Variants in ANKRD36C observed in about 807,000 individuals in gnomAD.
ANKRD36C encodes ankyrin repeat domain 36C, also known as ankyrin repeat domain-containing protein 36C.
Under a neutral mutation model 276.4 loss-of-function variants are expected in ANKRD36C, and 61 were observed. The ratio of observed to expected loss-of-function variants is 0.22; its 90% confidence interval spans 0.18 to 0.27. The LOEUF (loss-of-function observed/expected upper bound fraction) is 0.27, where lower values mean the gene tolerates loss of function less well. Ranked by LOEUF, ANKRD36C falls within the 10% of genes least tolerant of loss-of-function variation. The pLI is 1.00. For synonymous variants in ANKRD36C, 483 were observed against 680.1 expected (o/e 0.71, Z 4.51); for missense variants, 1,447 against 2,032.3 (o/e 0.71, Z 5.54).
At chr2:95,935,018 G>A (rs1479174988) in intron 24 of ANKRD36C, among the ~76,000 whole-genome samples, 1 of 152,280 alleles carries the variant, frequency 6.6e-6, no homozygotes, top group South Asian at 2.1e-4. Flanking sequence ...CATGTGATTG[G>A]GTGAAGACTC....
chr2:95,912,469 C>G (rs184728251), intron 40 of ANKRD36C, 34 bp from the exon 43 acceptor site: 108 of 1,602,252 alleles, frequency 6.7e-5, no homozygotes, highest in Admixed American at 3.4e-4. Context: ...ATCACTCACA[C>G]GTAAATATGA....
At chr2:95,927,624 A>G (rs1336080264) in intron 26 of ANKRD36C, among the ~76,000 whole-genome samples, 2 of 151,618 alleles carry the variant, frequency 1.3e-5, no homozygotes, top group Non-Finnish European at 3.0e-5. Flanking sequence ...AATTTCAAAC[A>G]TGGTATGATT....
intron 6 of ANKRD36C, among the ~76,000 whole-genome samples, chr2:95,964,013 A>ATATG (rs1290578450): frequency 1.2e-3 from 25 of 20,238 alleles, no homozygotes; most frequent in South Asian, 6.7e-3. Flanking sequence ...ATATATATAT[A>ATATG]TGTGTGTGTG....
At chr2:95,891,477 C>T (rs1161156173) in intron 46 of ANKRD36C, among the ~76,000 whole-genome samples, 188 bp downstream of exon 66, 1 of 151,466 alleles carries the variant, frequency 6.6e-6, no homozygotes. Context: ...AGTGTATACT[C>T]TTACTGCGAA....
At position 95,891,738 on chromosome 2, in the gene ANKRD36C, C is replaced by T; in HGVS notation, c.2785-1G>A. 1 of 1,581,106 alleles carries T rather than the reference C, an allele frequency of 6.3e-7. No homozygotes were observed. Among genetic ancestry groups the T allele is most frequent in the Non-Finnish European group, 8.6e-7 (1 of 1,161,746 alleles). On this transcript the variant is annotated splice_acceptor_variant, in intron 45 of 66. Transcript: ENST00000456556. LOFTEE classifies it high-confidence loss of function. ...CAGAATCTTTCTCGTCACTTGTAGC[C>T]TGAATGGAATTTGAAATGAAATAAT... is the stretch of plus-strand genomic sequence containing the variant.
chr2:95,964,036 C>A (rs1678535916), intron 6 of ANKRD36C, among the ~76,000 whole-genome samples: 1 of 107,900 alleles, frequency 9.3e-6, no homozygotes, highest in Admixed American at 1.0e-4. Context: ...TCATGATTGC[C>A]AAGAATATTG....
Position 95,964,831 on chromosome 2 carries a change from C to A in ANKRD36C, c.800-2284G>T, listed in dbSNP as rs564896573. Among the ~76,000 whole-genome samples, 6 of 152,132 alleles carry A rather than the reference C, an allele frequency of 3.9e-5. No individual in the cohort carries two copies. In the South Asian group the frequency reaches 8.3e-4, roughly 21 times the overall value. The stretch of plus-strand genomic sequence containing the variant: ...AATTAGAATCTTCCAGGATATGAAC[C>A]CTTTCATGTACACAAGACTTTGTGG... On this transcript the variant is annotated intron_variant, in intron 6 of 66. Transcript: ENST00000456556.
chr2:95,946,156 G>GAAAAAAAAAAAAAAAAAAAAAAAAAAAA (rs56964568), intron 17 of ANKRD36C, among the ~76,000 whole-genome samples: 1 of 73,300 alleles, frequency 1.4e-5, no homozygotes, highest in African/African-American at 5.1e-5. Context: ...ACAGAGAGAG[G>GAAAAAAAAAAAAAAAAAAAAAAAAAAAA]AAAAAAAAAA....
intron 60 of ANKRD36C, among the ~76,000 whole-genome samples, chr2:95,862,937 T>G (rs1675616249): frequency 6.6e-6 from 1 of 151,722 alleles, no homozygotes; most frequent in East Asian, 1.9e-4. Context: ...AGCATCTGGA[T>G]CTTGGACTTT....
intron 36 of ANKRD36C, 141 bp from the exon 39 acceptor site, chr2:95,916,312 A>T: frequency 6.9e-7 from 1 of 1,442,428 alleles, no homozygotes; most frequent in South Asian, 1.2e-5. Context: ...GTGTCTGGGG[A>T]CTAGAACATG....
chr2:95,855,548 A>C (rs1306208735), exon 63 of ANKRD36C: 1 of 1,611,016 alleles, frequency 6.2e-7, no homozygotes, highest in East Asian at 2.2e-5. Flanking sequence ...TTTCCATTGT[A>C]TTGTATCCAC....
intron 60 of ANKRD36C, among the ~76,000 whole-genome samples, chr2:95,862,142 A>C (rs1442983781): frequency 6.6e-6 from 1 of 152,150 alleles, no homozygotes; most frequent in Non-Finnish European, 1.5e-5. Context: ...ATTTCTAGGT[A>C]ATCTGAGGTT....
At position 95,916,178 on chromosome 2, in the gene ANKRD36C, A is replaced by G; in HGVS notation, c.2348-7T>C. Reference sequence around the variant, plus strand: ...GGTTTTTTCCGAGAAGACACTGAAAAGCAAAAGGGACACGTAATCACTCAC... The same window carrying G: ...GGTTTTTTCCGAGAAGACACTGAAAGGCAAAAGGGACACGTAATCACTCAC... On this transcript the variant is annotated splice_polypyrimidine_tract_variant and splice_region_variant and intron_variant, in intron 36 of 66. Coordinates refer to ENST00000456556, the Ensembl canonical transcript of ANKRD36C. 1 of 1,604,480 alleles carries G rather than the reference A, an allele frequency of 6.2e-7. No homozygotes were observed. Among genetic ancestry groups the G allele is most frequent in the Non-Finnish European group, 8.5e-7 (1 of 1,177,858 alleles).
chr2:95,851,259 C>G (rs1675286252), intron 66 of ANKRD36C, 64 bp from the exon 87 acceptor site: 6 of 1,108,542 alleles, frequency 5.4e-6, no homozygotes, highest in Non-Finnish European at 8.1e-6. Context: ...CATGTAAACC[C>G]ACTGTAAGTC....
chr2:95,862,178 T>C (rs560302087), intron 60 of ANKRD36C, among the ~76,000 whole-genome samples: 1 of 152,148 alleles, frequency 6.6e-6, no homozygotes, highest in East Asian at 1.9e-4. Flanking sequence ...CAATAAGTGA[T>C]AGAACAAGAA....
At chr2:95,912,567 T>G (rs1676964940) in intron 40 of ANKRD36C, 132 bp from the exon 43 acceptor site, 3 of 1,531,650 alleles carry the variant, frequency 2.0e-6, no homozygotes, top group South Asian at 1.2e-5. Context: ...TTCTATTTTG[T>G]GTCTGGGGAC....
downstream of ANKRD36C, among the ~76,000 whole-genome samples, chr2:95,849,019 A>G (rs1222842860): frequency 6.6e-6 from 1 of 152,076 alleles, no homozygotes. Context: ...TAGTAATACA[A>G]TTTTATTGTC....
chr2:95,930,774 C>A (rs1223107699), intron 24 of ANKRD36C, among the ~76,000 whole-genome samples: 2 of 150,924 alleles, frequency 1.3e-5, no homozygotes, highest in African/African-American at 2.4e-5. Flanking sequence ...CCATCGGGGT[C>A]TCTCAGGTTG....
At chr2:95,865,577 G>A (rs1675667899) in intron 60 of ANKRD36C, among the ~76,000 whole-genome samples, 1 of 152,076 alleles carries the variant, frequency 6.6e-6, no homozygotes, top group Admixed American at 6.6e-5. Context: ...ATATCTTGGG[G>A]ATAGGACCCA....
Sources: gnomAD v4.1 joint callset for allele counts (sites outside exome capture counted in the v4.1 genomes callset) on GRCh38, gnomAD v4.1.1 for gene constraint, MANE v1.5 for transcripts, NCBI Gene and HGNC (gene_info 2026-07-23, HGNC 2026-07-21) for gene names.